ABTB3: variants seen among roughly 807,000 people sequenced by gnomAD.
ABTB3 encodes the protein ankyrin repeat- and BTB/POZ domain-containing protein 3.
chr12:107,531,818 C>T, the ABTB3 span, among the ~76,000 whole-genome samples: 1 of 152,132 alleles, frequency 6.6e-6, no homozygotes, highest in Non-Finnish European at 1.5e-5. Flanking sequence ...TGCCCTGGGT[C>T]CCAGTAGCCC....
the ABTB3 span, among the ~76,000 whole-genome samples, chr12:107,467,253 G>T: frequency 6.6e-6 from 1 of 152,046 alleles, no homozygotes; most frequent in Non-Finnish European, 1.5e-5. Context: ...CAAGTCATCC[G>T]CACAGCTGTC....
the ABTB3 span, among the ~76,000 whole-genome samples, chr12:107,596,619 A>C: frequency 1.1e-4 from 17 of 152,246 alleles, no homozygotes; most frequent in South Asian, 4.2e-4. Context: ...CATCTCAAAA[A>C]AACAACAACA....
chr12:107,503,756 C>CAAAAAAAAAAAAAAAAAA, the ABTB3 span, among the ~76,000 whole-genome samples: 15 of 70,716 alleles, frequency 2.1e-4, no homozygotes, highest in Admixed American at 5.7e-4. Context: ...GACCCTATCT[C>CAAAAAAAAAAAAAAAAAA]AAAAAAAAAA....
chr12:107,477,255 G>A, the ABTB3 span, among the ~76,000 whole-genome samples: 1 of 152,186 alleles, frequency 6.6e-6, no homozygotes, highest in Admixed American at 6.5e-5. Context: ...TGTAGCATGT[G>A]TCCATGATAC....
the ABTB3 span, among the ~76,000 whole-genome samples, chr12:107,395,915 G>T: frequency 1.3e-5 from 2 of 152,266 alleles, no homozygotes; most frequent in Middle Eastern, 3.2e-3. Flanking sequence ...ATAGTATCGT[G>T]TGGTGAGCAC....
chr12:107,643,312 G>A, the ABTB3 span, among the ~76,000 whole-genome samples: 3 of 150,380 alleles, frequency 2.0e-5, no homozygotes, highest in South Asian at 2.1e-4. Flanking sequence ...GCTGAGGCTG[G>A]AGGATCACTT....
chr12:107,527,391 C>T, the ABTB3 span, among the ~76,000 whole-genome samples: 1 of 152,126 alleles, frequency 6.6e-6, no homozygotes, highest in African/African-American at 2.4e-5. Context: ...TGTGCCTCAG[C>T]CTCCCAAGTA....
At chr12:107,613,310 C>T in the ABTB3 span, among the ~76,000 whole-genome samples, 4 of 152,128 alleles carry the variant, frequency 2.6e-5, no homozygotes, top group African/African-American at 7.2e-5. Context: ...GTCTTCCTCC[C>T]GCAGATCCTC....
the ABTB3 span, chr12:107,613,004 T>G: frequency 1.2e-6 from 1 of 828,114 alleles, no homozygotes; most frequent in South Asian, 1.7e-5. Context: ...CCTGTGTCCT[T>G]TTAGTTGCTG....
the ABTB3 span, among the ~76,000 whole-genome samples, chr12:107,557,101 A>G: frequency 6.6e-6 from 1 of 152,318 alleles, no homozygotes; most frequent in South Asian, 2.1e-4. Context: ...ACAAATTGCT[A>G]TATACAGTGA....
At chr12:107,528,763 C>A in the ABTB3 span, among the ~76,000 whole-genome samples, 1 of 152,154 alleles carries the variant, frequency 6.6e-6, no homozygotes, top group African/African-American at 2.4e-5. Flanking sequence ...GTTGCTACTG[C>A]TGCTGCCGTT....
the ABTB3 span, among the ~76,000 whole-genome samples, chr12:107,559,797 G>A: frequency 2.6e-5 from 4 of 151,744 alleles, no homozygotes; most frequent in Non-Finnish European, 5.9e-5. Flanking sequence ...CCTCCATTTT[G>A]CTCTCCTCAC....
the ABTB3 span, among the ~76,000 whole-genome samples, chr12:107,496,788 G>T: frequency 6.6e-6 from 1 of 152,164 alleles, no homozygotes; most frequent in Non-Finnish European, 1.5e-5. Flanking sequence ...GCACGGAGAG[G>T]TTCATTAATT....
At chr12:107,490,623 C>A in the ABTB3 span, among the ~76,000 whole-genome samples, 2 of 152,122 alleles carry the variant, frequency 1.3e-5, no homozygotes, top group Admixed American at 6.5e-5. Context: ...ATAAAAACAA[C>A]CCTGTCTCCT....
the ABTB3 span, chr12:107,486,723 G>A: frequency 7.3e-6 from 1 of 137,208 alleles, no homozygotes; most frequent in Non-Finnish European, 1.5e-5. Flanking sequence ...CCTCCAAGGG[G>A]CTCTTAATAG....
At chr12:107,623,061 CTT>C in the ABTB3 span, among the ~76,000 whole-genome samples, 38 of 138,154 alleles carry the variant, frequency 2.8e-4, no homozygotes, top group South Asian at 4.6e-4. Context: ...GCTTATTTGT[CTT>C]TTTTTTTTTT....
the ABTB3 span, among the ~76,000 whole-genome samples, chr12:107,406,380 T>C: frequency 2.4e-4 from 37 of 152,188 alleles, no homozygotes; most frequent in African/African-American, 8.2e-4. Flanking sequence ...TAGTGAGCTA[T>C]GATCACACCA....
the ABTB3 span, among the ~76,000 whole-genome samples, chr12:107,397,376 C>T: frequency 6.6e-6 from 1 of 152,144 alleles, no homozygotes; most frequent in Non-Finnish European, 1.5e-5. Context: ...GGGCATTGAA[C>T]ATTACACCAT....
chr12:107,398,044 G>T, the ABTB3 span, among the ~76,000 whole-genome samples: 178 of 152,276 alleles, frequency 1.2e-3, 2 homozygotes, highest in Non-Finnish European at 1.2e-3. Flanking sequence ...CACACAGCAG[G>T]GGGATTTAGA....
Sources: allele counts gnomAD v4.1 joint callset (sites outside exome capture counted in the v4.1 genomes callset), GRCh38; gene constraint gnomAD v4.1.1; transcripts MANE v1.5; gene names NCBI Gene and HGNC (gene_info 2026-07-23, HGNC 2026-07-21).